Variants in SORCS3 observed in about 807,000 individuals in gnomAD.
The protein encoded by SORCS3 is sortilin related VPS10 domain containing receptor 3, also known as VPS10 domain-containing receptor SorCS3.
A neutral mutation model predicts 146.3 loss-of-function variants in SORCS3; 57 were observed. That is an observed-to-expected ratio of 0.39 (90% CI 0.31 to 0.49). The LOEUF (loss-of-function observed/expected upper bound fraction) is 0.49, where lower values mean the gene tolerates loss of function less well. Ranked by LOEUF, SORCS3 falls within the 20% of genes least tolerant of loss-of-function variation. The pLI is 0.92. For missense variants in SORCS3, 1,341 were observed against 1,575.5 expected, an observed-to-expected ratio of 0.85 and a Z score of 2.52; for synonymous variants, 653 against 618.5, an observed-to-expected ratio of 1.06 and a Z score of -0.83.
At chr10:104,673,556 T>C (rs1233384665) in intron 1 of SORCS3, among the ~76,000 whole-genome samples, 1 of 151,970 alleles carries the variant, frequency 6.6e-6, no homozygotes, top group Non-Finnish European at 1.5e-5. Context: ...CTTGAATTCC[T>C]GGGGACAAGT....
chr10:104,972,274 T>C (rs142992215), intron 3 of SORCS3, among the ~76,000 whole-genome samples: 7 of 152,302 alleles, frequency 4.6e-5, no homozygotes, highest in African/African-American at 1.7e-4. Flanking sequence ...TGAGGTTAGG[T>C]AACTTTCTCA....
At chr10:104,668,954 G>T (rs1311663834) in intron 1 of SORCS3, among the ~76,000 whole-genome samples, 1 of 152,212 alleles carries the variant, frequency 6.6e-6, no homozygotes, top group Admixed American at 6.5e-5. Context: ...TGAGAGCAAA[G>T]AGTTATCTTC....
At chr10:105,109,276 T>G (rs1347358481) in intron 7 of SORCS3, among the ~76,000 whole-genome samples, 4 of 152,164 alleles carry the variant, frequency 2.6e-5, no homozygotes, top group African/African-American at 9.7e-5. Flanking sequence ...CTGTTAGACT[T>G]AAATATTTTA....
At chr10:104,778,752 G>A (rs1028367593) in intron 1 of SORCS3, among the ~76,000 whole-genome samples, 1 of 152,110 alleles carries the variant, frequency 6.6e-6, no homozygotes, top group Non-Finnish European at 1.5e-5. Context: ...TTTTATAGCT[G>A]GGGCATATTG....
At chr10:104,790,632 T>C (rs879577333) in intron 1 of SORCS3, among the ~76,000 whole-genome samples, 3 of 152,244 alleles carry the variant, frequency 2.0e-5, no homozygotes, top group Non-Finnish European at 2.9e-5. Context: ...GTGATGATTA[T>C]TTGTGTCCAT....
chr10:105,240,705 A>G (rs1157081740), intron 20 of SORCS3, among the ~76,000 whole-genome samples: 2 of 152,234 alleles, frequency 1.3e-5, no homozygotes, highest in Middle Eastern at 3.4e-3. Flanking sequence ...GCAAAATTCA[A>G]CAGTGTGTAC....
At chr10:104,684,789 T>C (rs1026223402) in intron 1 of SORCS3, among the ~76,000 whole-genome samples, 8 of 5,268 alleles carry the variant, frequency 1.5e-3, no homozygotes, top group African/African-American at 5.2e-3. Flanking sequence ...GTTTTTTTTT[T>C]TTTTTTTTTT....
chr10:105,093,053 A>G (rs1376315114), intron 6 of SORCS3, among the ~76,000 whole-genome samples: 1 of 152,224 alleles, frequency 6.6e-6, no homozygotes, highest in African/African-American at 2.4e-5. Context: ...CATTGACATG[A>G]TTGCCTATGT....
At chr10:105,198,426 G>A (rs138002911) in intron 14 of SORCS3, among the ~76,000 whole-genome samples, 3 of 152,240 alleles carry the variant, frequency 2.0e-5, no homozygotes, top group East Asian at 1.9e-4. Flanking sequence ...CCCTTGATGA[G>A]GCTTATCAGT....
chr10:104,827,390 T>A (rs544125426), intron 1 of SORCS3, among the ~76,000 whole-genome samples: 149 of 152,278 alleles, frequency 9.8e-4, no homozygotes, highest in African/African-American at 3.5e-3. Context: ...AAAACAACAT[T>A]AATATCTTTG....
chr10:104,910,567 G>A (rs2018956205), intron 2 of SORCS3, among the ~76,000 whole-genome samples: 1 of 152,178 alleles, frequency 6.6e-6, no homozygotes, highest in Admixed American at 6.5e-5. Context: ...GGTGAAATAA[G>A]CAAGCTGCTG....
At chr10:104,883,642 A>G (rs943558702) in intron 2 of SORCS3, among the ~76,000 whole-genome samples, 4 of 152,144 alleles carry the variant, frequency 2.6e-5, no homozygotes, top group Non-Finnish European at 4.4e-5. Context: ...GCTGGTATCT[A>G]TGAGGAATAT....
intron 1 of SORCS3, among the ~76,000 whole-genome samples, chr10:104,679,955 G>T (rs1373598664): frequency 6.6e-6 from 1 of 152,136 alleles, no homozygotes; most frequent in Admixed American, 6.5e-5. Context: ...AGCATATATT[G>T]TTATCTATTT....
At chr10:105,033,133 G>C (rs1196580134) in intron 4 of SORCS3, among the ~76,000 whole-genome samples, 1 of 152,164 alleles carries the variant, frequency 6.6e-6, no homozygotes, top group African/African-American at 2.4e-5. Flanking sequence ...ATACTCTTCA[G>C]TATAAAGAGG....
chr10:104,940,703 T>C lies in SORCS3; in HGVS notation c.795+24771T>C, dbSNP rs201555451. Among the ~76,000 whole-genome samples, 6 of 152,178 alleles carry C rather than the reference T, an allele frequency of 3.9e-5. No homozygotes were observed. The East Asian group carries it at 1.2e-3, about 29-fold the overall frequency. On this transcript the variant is annotated intron_variant, in intron 3 of 26. Transcript: ENST00000369701. Reference sequence around the variant, plus strand: ...GTTGTGAATAGTGCCGCAGTAAACATACGTGTGCATGTGTCTTTTCAATGA... The same window carrying C: ...GTTGTGAATAGTGCCGCAGTAAACACACGTGTGCATGTGTCTTTTCAATGA...
chr10:104,836,664 T>G (rs931602149), intron 1 of SORCS3, among the ~76,000 whole-genome samples: 1 of 152,166 alleles, frequency 6.6e-6, no homozygotes, highest in Non-Finnish European at 1.5e-5. Flanking sequence ...AAATCATTAC[T>G]GACTACACCA....
At chr10:105,193,589 C>G (rs1185633186) in intron 14 of SORCS3, among the ~76,000 whole-genome samples, 3 of 152,074 alleles carry the variant, frequency 2.0e-5, no homozygotes, top group Non-Finnish European at 4.4e-5. Flanking sequence ...GAAATGGTCT[C>G]AAAAGGGCCA....
rs572358026 is a variant in SORCS3 at position 104,810,884 on chromosome 10, C to T, written c.628-31908C>T. 5.9e-5 allele frequency among the ~76,000 whole-genome samples: 9 copies of T among 152,030 alleles called. No homozygotes were observed. The South Asian group carries it at 6.2e-4, about 11-fold the overall frequency. On this transcript the variant is annotated intron_variant, in intron 1 of 26. Coordinates refer to ENST00000369701, the MANE Select transcript of SORCS3 (RefSeq NM_014978.3). ...ATTTATTCAGTAAACATTTATAGAG[C>T]GATAGTGCCTAGGGAGAAATAAAAA...
chr10:104,989,863 C>G (rs1466454251), intron 4 of SORCS3, among the ~76,000 whole-genome samples: 1 of 152,188 alleles, frequency 6.6e-6, no homozygotes, highest in African/African-American at 2.4e-5. Context: ...GATGTTTCTT[C>G]TCTGTGTAAT....
Sources: gnomAD v4.1 joint callset for allele counts (sites outside exome capture counted in the v4.1 genomes callset) on GRCh38, gnomAD v4.1.1 for gene constraint, MANE v1.5 for transcripts, NCBI Gene and HGNC (gene_info 2026-07-23, HGNC 2026-07-21) for gene names.